The following CFAP157 variants were observed in gnomAD, a reference collection of about 807,000 sequenced individuals.
CFAP157 encodes the protein cilia and flagella associated protein 157.
Under a neutral mutation model 57.8 loss-of-function variants are expected in CFAP157, and 43 were observed. The observed-to-expected ratio is 0.74, with a 90% CI of 0.58 to 0.96. The LOEUF (loss-of-function observed/expected upper bound fraction) is 0.96. Among genes scored for constraint, CFAP157 ranks in the 40% least tolerant of loss-of-function variants. The pLI, the probability that CFAP157 is intolerant of heterozygous loss-of-function variation, is 0.00. For missense variants in CFAP157, 606 were observed against 655.3 expected (o/e 0.92, Z 0.82); for synonymous variants, 267 against 269.0 (o/e 0.99, Z 0.07).
At position 127,713,837 on chromosome 9, in the gene CFAP157, C is replaced by T. The variant is rs752171285; in HGVS notation, c.1495C>T (p.Arg499Cys). ...TFRAHSSPEM[R>C]APGSLKRLEK... ...GCCAGCATCTTTAATCTTACAGATG[C>T]GTGCCCCTGGTTCTCTAAAAAGGCT... Residue 499 changes from arginine (R) to cysteine (C), a missense_variant, in exon 9 of 9, where the codon CGT (arginine) becomes TGT (cysteine). Arg to Cys is a radical substitution (Grantham distance 180). Coordinates refer to ENST00000373295, the MANE Select transcript of CFAP157 (RefSeq NM_001012502.3). The T allele has an allele frequency of 1.3e-5, 21 of 1,613,474 alleles. No homozygotes were observed. The highest frequency in any genetic ancestry group is 3.3e-5 in the South Asian group (3 of 91,060).
Position 127,709,539 on chromosome 9 carries a change from G to A in CFAP157, c.279G>A (p.Gln93=). The A allele has an allele frequency of 6.2e-7, 1 of 1,614,148 alleles. No homozygotes were observed. The highest frequency in any genetic ancestry group is 8.5e-7 in the Non-Finnish European group (1 of 1,180,030). Residue 93 remains glutamine, a synonymous_variant, in exon 2 of 9, where the codon CAG becomes CAA. Coordinates refer to ENST00000373295, the MANE Select transcript of CFAP157 (RefSeq NM_001012502.3). This position sits in a 1 kb window ranked among gnomAD's most constrained non-coding sequence, Gnocchi z 4.7. ...IVAFLKRTLN[Q]QVDEITDLNE... is the part of the protein sequence containing the mutation. ...CCTTCCTCAAGCGCACGCTCAACCA[G>A]CAGGTGGATGAGATCACAGACCTCA... is the stretch of plus-strand genomic sequence containing the variant.
Position 127,712,822 on chromosome 9 carries a change from G to A in CFAP157, c.1251G>A (p.Gln417=), listed in dbSNP as rs1842798842. 2 of 1,614,026 alleles carry A rather than the reference G, an allele frequency of 1.2e-6. No individual in the cohort carries two copies. The highest frequency in any genetic ancestry group is 1.7e-6 in the Non-Finnish European group (2 of 1,179,942). Residue 417 remains glutamine, a synonymous_variant, in exon 7 of 9, where the codon CAG becomes CAA. Transcript: ENST00000373295. Reference sequence around the variant, plus strand: ...GCTCCACTGTGGCCACGAGACCTCAGAAGGCTGCGTGTCCCCACCAGGAGT... The same window carrying A: ...GCTCCACTGTGGCCACGAGACCTCAAAAGGCTGCGTGTCCCCACCAGGAGT... The part of the protein sequence containing the change: ...MLSSTVATRP[Q]KAACPHQESQ...
chr9:127,712,777 G>A lies in CFAP157; in HGVS notation c.1206G>A (p.Gln402=), dbSNP rs777965475. 6.2e-7 allele frequency: 1 copy of A among 1,614,186 alleles called. No homozygotes were observed. The highest frequency in any genetic ancestry group is 1.7e-5 in the Admixed American group (1 of 60,018). ...TFQPWHKEML[Q]QLLVMLSSTV... ...AGCCATGGCACAAGGAGATGCTGCA[G>A]CAACTGCTGGTCATGCTCAGCTCCA... The change falls in exon 7 of 9, where the codon CAG becomes CAA. Residue 402 remains glutamine (Q), a synonymous_variant. Coordinates refer to ENST00000373295, the MANE Select transcript of CFAP157 (RefSeq NM_001012502.3).
At position 127,714,054 on chromosome 9, in the gene CFAP157, G is replaced by A. The variant is rs1297870196; in HGVS notation, c.*149G>A. ...GCGTGGCAGCTCTGTGGCAGTGGCT[G>A]GGTTGGTGGGCACTACAGTCAGGCA... On this transcript the variant is annotated 3_prime_UTR_variant, in exon 9 of 9. Coordinates refer to ENST00000373295, the MANE Select transcript of CFAP157 (RefSeq NM_001012502.3). 2 of 1,598,784 alleles carry A rather than the reference G, an allele frequency of 1.3e-6. No homozygotes were observed. Among genetic ancestry groups the A allele is most frequent in the Admixed American group, 3.4e-5 (2 of 58,416 alleles).
chr9:127,712,121 T>C lies in CFAP157; in HGVS notation c.987-78T>C, dbSNP rs988782509. 145 of 1,564,574 alleles carry C rather than the reference T, an allele frequency of 9.3e-5. 1 individual carries two copies. Among genetic ancestry groups the C allele is most frequent in the Non-Finnish European group, 1.2e-4 (134 of 1,154,464 alleles). ...GGGCCCCTGTGGGCTTGGAGAGAAA[T>C]GGCAGGGCCCCTGGCCCCAGGTGGC... On this transcript the variant is annotated intron_variant, in intron 5 of 8. Coordinates refer to ENST00000373295, the MANE Select transcript of CFAP157 (RefSeq NM_001012502.3).
chr9:127,713,311 A>G, intron 8 of CFAP157, 105 bp downstream of exon 8: 2 of 884,024 alleles, frequency 2.3e-6, no homozygotes, highest in Non-Finnish European at 3.4e-6. Flanking sequence ...ATGTAACCAG[A>G]TCTCTCTGAG....
Position 127,714,464 on chromosome 9 carries a change from GGCAGTGT to G in CFAP157, c.*560_*566del, listed in dbSNP as rs1842865082. On this transcript the variant is annotated 3_prime_UTR_variant, in exon 9 of 9. Coordinates refer to ENST00000373295, the MANE Select transcript of CFAP157 (RefSeq NM_001012502.3). Reference sequence around the variant, plus strand: ...GGAGGGGCAGTTAGTGCCTCCCTGGGGCAGTGTCCTTCCACCCCTCCCTGCCCCGGCT... The same window carrying G: ...GGAGGGGCAGTTAGTGCCTCCCTGGGCCTTCCACCCCTCCCTGCCCCGGCT... The G allele has an allele frequency of 6.2e-7, 1 of 1,612,350 alleles. No individual in the cohort carries two copies. The highest frequency in any genetic ancestry group is 1.1e-5 in the South Asian group (1 of 91,030).
At chr9:127,712,131 CCTGGCCCCAG>C in intron 5 of CFAP157, 58 bp from the exon 6 acceptor site, 1 of 1,582,358 alleles carries the variant, frequency 6.3e-7, no homozygotes, top group Non-Finnish European at 8.6e-7. Flanking sequence ...TGGCAGGGCC[CCTGGCCCCAG>C]GTGGCCCCAG....
rs749618928 is a variant in CFAP157 at position 127,711,457 on chromosome 9, C to T, written c.816C>T (p.Thr272=). 1.2e-6 allele frequency: 2 copies of T among 1,613,962 alleles called. No individual in the cohort carries two copies. Among genetic ancestry groups the T allele is most frequent in the Non-Finnish European group, 1.7e-6 (2 of 1,180,022 alleles). ...AACAGCTGGAGCTGCTGGAGAACAC[C>T]CAGAAGGTCATGGCCAGGCACAAAA... is the stretch of plus-strand genomic sequence containing the variant. ...LCKQLELLEN[T]QKVMARHKRG... Residue 272 remains threonine, a synonymous_variant, in exon 4 of 9, where the codon ACC becomes ACT. Coordinates refer to ENST00000373295, the MANE Select transcript of CFAP157 (RefSeq NM_001012502.3).
At position 127,715,613 on chromosome 9, in the gene CFAP157, G is replaced by C. The variant is rs769831735; in HGVS notation, c.*1708G>C. Reference sequence around the variant, plus strand: ...TCATGGCTCTACTCAGCCGCTGTCCGGCGCCCAAAAAGCCGCCCGGCCTCA... The same window carrying C: ...TCATGGCTCTACTCAGCCGCTGTCCCGCGCCCAAAAAGCCGCCCGGCCTCA... On this transcript the variant is annotated 3_prime_UTR_variant, in exon 9 of 9. Transcript: ENST00000373295. This position sits in a 1 kb window ranked among gnomAD's most constrained non-coding sequence, Gnocchi z 5.8. 6.2e-6 allele frequency: 10 copies of C among 1,612,764 alleles called. No homozygotes were observed. Among genetic ancestry groups the C allele is most frequent in the South Asian group, 2.2e-5 (2 of 91,052 alleles).
intron 4 of CFAP157, 141 bp from the exon 5 acceptor site, chr9:127,711,679 G>T: frequency 8.5e-7 from 1 of 1,171,146 alleles, no homozygotes; most frequent in Non-Finnish European, 1.2e-6. Flanking sequence ...TTTATTTAAA[G>T]CCCCCATAAC....
intron 1 of CFAP157, among the ~76,000 whole-genome samples, chr9:127,708,438 C>T (rs959182662): frequency 1.2e-4 from 18 of 152,252 alleles, no homozygotes; most frequent in Admixed American, 1.0e-3. Context: ...GATCGTGCCA[C>T]TGCACTCCAA....
In CFAP157 at chr9:127,711,431, A is replaced by C; in HGVS notation, c.790A>C (p.Lys264Gln). Residue 264 changes from lysine (K) to glutamine (Q), a missense_variant, in exon 4 of 9, where the codon AAA (lysine) becomes CAA (glutamine). Lys to Gln is a moderately conservative substitution (Grantham distance 53, BLOSUM62 1). Transcript: ENST00000373295. The part of the protein sequence containing the change: ...QLKGRQNNLC[K>Q]QLELLENTQK... ...CAAGGGAAGACAGAACAATCTGTGCAAACAGCTGGAGCTGCTGGAGAACAC... is the reference window on the plus strand; with the variant it reads ...CAAGGGAAGACAGAACAATCTGTGCCAACAGCTGGAGCTGCTGGAGAACAC... 1 of 1,614,110 alleles carries C rather than the reference A, an allele frequency of 6.2e-7. No homozygotes were observed. The highest frequency in any genetic ancestry group is 8.5e-7 in the Non-Finnish European group (1 of 1,180,040).
At chr9:127,711,617 G>A (rs531846800) in intron 4 of CFAP157, 121 bp downstream of exon 4, 2 of 1,316,140 alleles carry the variant, frequency 1.5e-6, no homozygotes, top group Admixed American at 2.3e-5. Context: ...GCAGAGAGAG[G>A]ACTGGGCCTC....
In CFAP157 at chr9:127,710,708, G is replaced by C. The variant is rs77175267; in HGVS notation, c.541G>C (p.Asp181His). The change falls in exon 3 of 9, where the codon GAC becomes CAC. Residue 181 changes from aspartate (D) to histidine (H), a missense_variant. Coordinates refer to ENST00000373295, the MANE Select transcript of CFAP157 (RefSeq NM_001012502.3). ...GCGGAAGCAGGAGAATGAGTTCAGGGACTATGCATACAACCTGGAGAAGAA... is the reference window on the plus strand; with the variant it reads ...GCGGAAGCAGGAGAATGAGTTCAGGCACTATGCATACAACCTGGAGAAGAA... ...QVRKQENEFRDYAYNLEKKSV... is the reference protein window; with the variant it reads ...QVRKQENEFRHYAYNLEKKSV... The C allele has an allele frequency of 7.0e-6, 11 of 1,573,760 alleles. No individual in the cohort carries two copies. The East Asian group carries it at 2.6e-4, about 37-fold the overall frequency.
intron 7 of CFAP157, 25 bp downstream of exon 7, chr9:127,712,900 T>C: frequency 6.3e-7 from 1 of 1,599,010 alleles, no homozygotes; most frequent in African/African-American, 1.3e-5. Context: ...CTGTGTGGCC[T>C]CAGAGGCAGC....
In CFAP157 at chr9:127,712,802, A is replaced by C. The variant is rs544030250; in HGVS notation, c.1231A>C (p.Thr411Pro). The change falls in exon 7 of 9, where the codon ACT becomes CCT. Residue 411 changes from threonine to proline, a missense_variant. Physicochemically the swap from Thr to Pro is conservative, Grantham distance 38. Coordinates refer to ENST00000373295, the MANE Select transcript of CFAP157 (RefSeq NM_001012502.3). ...GCAACTGCTGGTCATGCTCAGCTCCACTGTGGCCACGAGACCTCAGAAGGC... is the reference window on the plus strand; with the variant it reads ...GCAACTGCTGGTCATGCTCAGCTCCCCTGTGGCCACGAGACCTCAGAAGGC... ...LQQLLVMLSS[T>P]VATRPQKAAC... 5.9e-5 allele frequency: 96 copies of C among 1,614,032 alleles called. No homozygotes were observed. Among genetic ancestry groups the C allele is most frequent in the Non-Finnish European group, 7.9e-5 (93 of 1,180,014 alleles).
At chr9:127,712,995 G>A in intron 7 of CFAP157, 25 bp from the exon 8 acceptor site, 2 of 1,608,948 alleles carry the variant, frequency 1.2e-6, no homozygotes, top group Non-Finnish European at 1.7e-6. Context: ...CGAAGGCTCT[G>A]TGACCCTCGG....
rs1842964397 is a variant in CFAP157 at position 127,715,771 on chromosome 9, G to A, written c.*1866G>A. Reference sequence around the variant, plus strand: ...GCTACGTGGCCGCCATGCTTCTGAGGGGCGGAAGCGGCGAGGCGGTGGCCG... The same window carrying A: ...GCTACGTGGCCGCCATGCTTCTGAGAGGCGGAAGCGGCGAGGCGGTGGCCG... On this transcript the variant is annotated 3_prime_UTR_variant, in exon 9 of 9. Coordinates refer to ENST00000373295, the MANE Select transcript of CFAP157 (RefSeq NM_001012502.3). The surrounding 1 kb of genome is among the most constrained non-coding windows in gnomAD (Gnocchi z 5.8). 1.3e-6 allele frequency: 2 copies of A among 1,496,892 alleles called. No individual in the cohort carries two copies. Among genetic ancestry groups the A allele is most frequent in the African/African-American group, 2.8e-5 (2 of 70,942 alleles). 92.7% of individuals were successfully genotyped at this position (1,496,892 alleles called of 1,614,324 possible). A position where few individuals can be genotyped will look rare whatever the true frequency, so the allele number is the denominator to read the frequency against.
Sources: gnomAD v4.1 joint callset for allele counts (sites outside exome capture counted in the v4.1 genomes callset) on GRCh38, gnomAD v4.1.1 for gene constraint, Gnocchi (gnomAD v3.1) non-coding constraint, MANE v1.5 for transcripts, NCBI Gene and HGNC (gene_info 2026-07-23, HGNC 2026-07-21) for gene names.